The following EPHA3 variants were observed in gnomAD, a reference collection of about 807,000 sequenced individuals.
EPHA3 encodes EPH receptor A3.
In EPHA3, 42 loss-of-function variants were observed where a neutral mutation model predicts 107.1. That is an observed-to-expected ratio of 0.39 (90% CI 0.31 to 0.51). The LOEUF (loss-of-function observed/expected upper bound fraction) is 0.51. Among genes scored for constraint, EPHA3 ranks in the 20% least tolerant of loss-of-function variants. The pLI, the probability that EPHA3 is intolerant of heterozygous loss-of-function variation, is 0.78. For synonymous variants in EPHA3, 461 were observed against 424.8 expected, an observed-to-expected ratio of 1.09 and a Z score of -1.05; for missense variants, 1,183 against 1,211.2, an observed-to-expected ratio of 0.98 and a Z score of 0.35.
intron 5 of EPHA3, among the ~76,000 whole-genome samples, chr3:89,343,467 C>T (rs926249735): frequency 6.6e-6 from 1 of 152,188 alleles, no homozygotes; most frequent in Non-Finnish European, 1.5e-5. Flanking sequence ...CATCTCCATT[C>T]TCCCCATCAT....
intron 2 of EPHA3, among the ~76,000 whole-genome samples, chr3:89,167,213 A>T (rs528619083): frequency 1.7e-4 from 26 of 152,212 alleles, no homozygotes; most frequent in Non-Finnish European, 3.1e-4. Context: ...TTAACTAGCT[A>T]ATAGATGCAT....
intron 15 of EPHA3, among the ~76,000 whole-genome samples, chr3:89,453,440 A>G (rs1710035218): frequency 6.6e-6 from 1 of 152,132 alleles, no homozygotes; most frequent in East Asian, 1.9e-4. Flanking sequence ...TTTCTTATAT[A>G]TTTTTCTTTA....
chr3:89,358,205 A>T (rs1708008596), intron 5 of EPHA3, among the ~76,000 whole-genome samples: 1 of 151,172 alleles, frequency 6.6e-6, no homozygotes, highest in Non-Finnish European at 1.5e-5. Context: ...CTGTTAAATA[A>T]GGGTTATGGC....
chr3:89,351,292 G>C (rs1371238226), intron 5 of EPHA3, among the ~76,000 whole-genome samples: 5 of 151,372 alleles, frequency 3.3e-5, no homozygotes, highest in African/African-American at 9.7e-5. Flanking sequence ...AGGACCCTCT[G>C]AGCCAGGTGT....
At chr3:89,111,414 T>C (rs1707104477) in intron 1 of EPHA3, among the ~76,000 whole-genome samples, 1 of 152,110 alleles carries the variant, frequency 6.6e-6, no homozygotes, top group Admixed American at 6.5e-5. Context: ...GGTTTACATT[T>C]GCTTTTCATA....
At chr3:89,222,848 A>G (rs563061081) in intron 3 of EPHA3, among the ~76,000 whole-genome samples, 66 of 152,340 alleles carry the variant, frequency 4.3e-4, no homozygotes, top group African/African-American at 1.3e-3. Flanking sequence ...TTTACACTTC[A>G]TTAAGTAAAT....
chr3:89,359,930 C>T lies in EPHA3; in HGVS notation c.1306+17840C>T, dbSNP rs1362816294. 2.0e-5 allele frequency among the ~76,000 whole-genome samples: 3 copies of T among 148,914 alleles called. No homozygotes were observed. The East Asian group carries it at 5.8e-4, about 29-fold the overall frequency. On this transcript the variant is annotated intron_variant, in intron 5 of 16. Coordinates refer to ENST00000336596, the MANE Select transcript of EPHA3 (RefSeq NM_005233.6). ...AATATTTATTATTTAAACTAACAAC[C>T]AATACTGTACTGTACTGTACTGGGC...
Position 89,134,949 on chromosome 3 carries a change from C to A in EPHA3, c.153+7676C>A, listed in dbSNP as rs112179060. 6.1e-3 allele frequency among the ~76,000 whole-genome samples: 929 copies of A among 152,252 alleles called. 10 individuals carry two copies. The highest frequency in any genetic ancestry group is 0.021 in the African/African-American group (886 of 41,544). On this transcript the variant is annotated intron_variant, in intron 2 of 16. Coordinates refer to ENST00000336596, the MANE Select transcript of EPHA3 (RefSeq NM_005233.6). ...TACCAAAAACAAAACGAGAAATGCA[C>A]ATTAAAATGATGTATAACATATTTC...
At chr3:89,285,555 T>C (rs1421053267) in intron 3 of EPHA3, among the ~76,000 whole-genome samples, 1 of 152,158 alleles carries the variant, frequency 6.6e-6, no homozygotes, top group Non-Finnish European at 1.5e-5. Context: ...AAAGGTGACA[T>C]TTGATTAAAG....
At chr3:89,132,899 A>AT (rs1246623128) in intron 2 of EPHA3, among the ~76,000 whole-genome samples, 2 of 152,140 alleles carry the variant, frequency 1.3e-5, no homozygotes, top group Admixed American at 6.6e-5. Flanking sequence ...CTCAAAAAGA[A>AT]TTTTTTTAAA....
chr3:89,123,572 A>G (rs1472350600), intron 1 of EPHA3, among the ~76,000 whole-genome samples: 1 of 152,158 alleles, frequency 6.6e-6, no homozygotes, highest in Non-Finnish European at 1.5e-5. Flanking sequence ...CCAAGTAAGG[A>G]TTGCCTTCCC....
rs183296942 is a variant in EPHA3 at position 89,118,640 on chromosome 3, C to T, written c.89-8569C>T. Among the ~76,000 whole-genome samples, 315 of 151,642 alleles carry T rather than the reference C, an allele frequency of 2.1e-3. 1 individual carries two copies. Among genetic ancestry groups the T allele is most frequent in the Non-Finnish European group, 1.6e-3 (108 of 67,698 alleles). Reference sequence around the variant, plus strand: ...AACTTTAAGAATCATTAAAATGAGTCAAGAAAAGGGTTGATATATAACTAA... The same window carrying T: ...AACTTTAAGAATCATTAAAATGAGTTAAGAAAAGGGTTGATATATAACTAA... On this transcript the variant is annotated intron_variant, in intron 1 of 16. Coordinates refer to ENST00000336596, the MANE Select transcript of EPHA3 (RefSeq NM_005233.6).
intron 7 of EPHA3, among the ~76,000 whole-genome samples, chr3:89,401,196 T>C (rs1006996776): frequency 2.0e-5 from 3 of 152,218 alleles, no homozygotes; most frequent in African/African-American, 7.2e-5. Context: ...TATGGCACAC[T>C]TTCTGTCGGA....
intron 1 of EPHA3, among the ~76,000 whole-genome samples, chr3:89,119,107 A>G (rs1576161848): frequency 6.6e-6 from 1 of 152,110 alleles, no homozygotes; most frequent in African/African-American, 2.4e-5. Flanking sequence ...ATTTAAATGA[A>G]TATATAACAA....
intron 3 of EPHA3, among the ~76,000 whole-genome samples, chr3:89,249,267 G>C (rs1008339256): frequency 6.6e-6 from 1 of 152,134 alleles, no homozygotes; most frequent in Non-Finnish European, 1.5e-5. Context: ...TGGGATATGA[G>C]TGGTCCTGGC....
intron 3 of EPHA3, among the ~76,000 whole-genome samples, chr3:89,292,669 C>G (rs1271904426): frequency 6.6e-6 from 1 of 152,010 alleles, no homozygotes; most frequent in Non-Finnish European, 1.5e-5. Flanking sequence ...AATTCAGAAC[C>G]CTATCTTCCC....
At chr3:89,212,672 G>A (rs923495122) in intron 3 of EPHA3, among the ~76,000 whole-genome samples, 5 of 151,642 alleles carry the variant, frequency 3.3e-5, no homozygotes, top group African/African-American at 9.7e-5. Context: ...GGAGAGATGA[G>A]GACGCTAATG....
chr3:89,233,637 T>C (rs548846467), intron 3 of EPHA3, among the ~76,000 whole-genome samples: 10 of 152,254 alleles, frequency 6.6e-5, no homozygotes, highest in Admixed American at 3.9e-4. Flanking sequence ...GGTTCCTCAA[T>C]TGGTGTTGGC....
At position 89,349,458 on chromosome 3, in the gene EPHA3, C is replaced by A. The variant is rs1263445803; in HGVS notation, c.1306+7368C>A. ...TGCAACCCCTGCCTTTTTTTGTTTT[C>A]CATTTGCTTGGTAGATCTTCTTCCA... On this transcript the variant is annotated intron_variant, in intron 5 of 16. Transcript: ENST00000336596. 1.2e-4 allele frequency among the ~76,000 whole-genome samples: 18 copies of A among 145,104 alleles called. No homozygotes were observed. In the East Asian group the frequency reaches 3.6e-3, roughly 29 times the overall value.
Sources: gnomAD v4.1 joint callset for allele counts (sites outside exome capture counted in the v4.1 genomes callset) on GRCh38, gnomAD v4.1.1 for gene constraint, MANE v1.5 for transcripts, NCBI Gene and HGNC (gene_info 2026-07-23, HGNC 2026-07-21) for gene names.